ASIC2: variants seen among roughly 807,000 people sequenced by gnomAD.
The protein encoded by ASIC2 is acid-sensing ion channel 2.
ASIC2 carries 25 observed loss-of-function variants against 57.3 expected under a neutral mutation model. The observed-to-expected ratio is 0.44, with a 90% CI of 0.32 to 0.61. ASIC2 has a LOEUF of 0.61. Among genes scored for constraint, ASIC2 ranks in the 20% least tolerant of loss-of-function variants. The pLI is 0.06. For synonymous variants in ASIC2, 319 were observed against 307.5 expected (o/e 1.04, Z -0.39); for missense variants, 641 against 738.1 (o/e 0.87, Z 1.52).
intron 1 of ASIC2, among the ~76,000 whole-genome samples, chr17:33,195,477 G>A (rs1321186149): frequency 6.6e-6 from 1 of 152,196 alleles, no homozygotes; most frequent in Non-Finnish European, 1.5e-5. Context: ...TATTGTGAAT[G>A]AGGATCATGA....
intron 2 of ASIC2, among the ~76,000 whole-genome samples, chr17:33,102,130 A>G (rs1452460275): frequency 6.6e-6 from 1 of 152,170 alleles, no homozygotes; most frequent in South Asian, 2.1e-4. Flanking sequence ...TTGTCTCTGG[A>G]ATCTTATGCA....
At chr17:34,090,702 T>A (rs9897848) in intron 1 of ASIC2, among the ~76,000 whole-genome samples, 1 of 152,090 alleles carries the variant, frequency 6.6e-6, no homozygotes, top group South Asian at 2.1e-4. Flanking sequence ...CAACTTCCTA[T>A]AGACCCTCAG....
At position 33,085,316 on chromosome 17, in the gene ASIC2, A is replaced by G. The variant is rs376504391; in HGVS notation, c.987+3547T>C. On this transcript the variant is annotated intron_variant, in intron 3 of 9. Transcript: ENST00000225823. ...TGATTTTATGTATCACCAAGAAAGA[A>G]TAACAAACACTGCTTATTGTAATTT... 5.3e-4 allele frequency among the ~76,000 whole-genome samples: 81 copies of G among 152,370 alleles called. 1 individual carries two copies. In the South Asian group the frequency reaches 0.016, roughly 30 times the overall value.
chr17:33,218,702 T>C (rs1363294693), intron 1 of ASIC2, among the ~76,000 whole-genome samples: 1 of 152,180 alleles, frequency 6.6e-6, no homozygotes. Flanking sequence ...ACACAGTAGG[T>C]GTTCAGTCAA....
chr17:34,076,969 C>G (rs547021723), intron 1 of ASIC2, among the ~76,000 whole-genome samples: 8 of 152,342 alleles, frequency 5.3e-5, no homozygotes, highest in African/African-American at 1.9e-4. Context: ...AGTTCTGCAG[C>G]TGGCCATTTC....
At chr17:33,951,980 G>A (rs770213921) in intron 1 of ASIC2, among the ~76,000 whole-genome samples, 4 of 152,122 alleles carry the variant, frequency 2.6e-5, no homozygotes, top group Non-Finnish European at 4.4e-5. Context: ...GGTTACACAC[G>A]TGTGATCAAT....
chr17:34,018,806 T>C (rs1223365894), intron 1 of ASIC2, among the ~76,000 whole-genome samples: 1 of 152,204 alleles, frequency 6.6e-6, no homozygotes, highest in Non-Finnish European at 1.5e-5. Flanking sequence ...TAAAGTTACT[T>C]CACTGTAGTT....
At chr17:33,128,681 C>T (rs2092334001) in intron 1 of ASIC2, among the ~76,000 whole-genome samples, 1 of 152,208 alleles carries the variant, frequency 6.6e-6, no homozygotes, top group Non-Finnish European at 1.5e-5. Flanking sequence ...TTGGGGTACC[C>T]CTGGGGAAAG....
intron 1 of ASIC2, among the ~76,000 whole-genome samples, chr17:34,011,215 A>G (rs1597972923): frequency 1.3e-5 from 2 of 152,124 alleles, no homozygotes; most frequent in Admixed American, 1.3e-4. Context: ...ATACAGACAC[A>G]GACCCACAGA....
intron 1 of ASIC2, among the ~76,000 whole-genome samples, chr17:34,023,483 C>G (rs1344758814): frequency 6.6e-6 from 1 of 152,046 alleles, no homozygotes; most frequent in Non-Finnish European, 1.5e-5. Context: ...GAATGTGTCC[C>G]CTCCAAAATT....
At chr17:33,514,124 T>A (rs1914501337) in intron 1 of ASIC2, among the ~76,000 whole-genome samples, 1 of 152,226 alleles carries the variant, frequency 6.6e-6, no homozygotes, top group Admixed American at 6.5e-5. Flanking sequence ...GGTACACAGC[T>A]GGGAACTGGA....
At chr17:33,923,251 G>A (rs976954270) in intron 1 of ASIC2, among the ~76,000 whole-genome samples, 1 of 152,182 alleles carries the variant, frequency 6.6e-6, no homozygotes, top group Non-Finnish European at 1.5e-5. Context: ...GACCTTCAGG[G>A]CTCCTGGCAG....
chr17:33,930,901 A>G (rs540043009), intron 1 of ASIC2, among the ~76,000 whole-genome samples: 194 of 151,958 alleles, frequency 1.3e-3, no homozygotes, highest in African/African-American at 4.2e-3. Flanking sequence ...AGATTTATTT[A>G]TTTGTTTGTT....
chr17:33,603,359 A>C (rs1051175297), intron 1 of ASIC2, among the ~76,000 whole-genome samples: 3 of 152,216 alleles, frequency 2.0e-5, no homozygotes, highest in African/African-American at 7.2e-5. Context: ...ACTGCTTGGA[A>C]GGAGCATGAT....
intron 1 of ASIC2, among the ~76,000 whole-genome samples, chr17:33,725,882 G>A (rs1469057790): frequency 6.6e-6 from 1 of 152,138 alleles, no homozygotes; most frequent in Admixed American, 6.5e-5. Flanking sequence ...AGAGCCACAC[G>A]AGGGCAGCAC....
intron 1 of ASIC2, among the ~76,000 whole-genome samples, chr17:34,050,256 G>C (rs1308376474): frequency 2.0e-5 from 3 of 152,142 alleles, no homozygotes; most frequent in Non-Finnish European, 2.9e-5. Flanking sequence ...GAGATTATTT[G>C]TCACCACTTC....
chr17:34,086,527 T>C (rs1910118064), intron 1 of ASIC2, among the ~76,000 whole-genome samples: 1 of 152,028 alleles, frequency 6.6e-6, no homozygotes, highest in Non-Finnish European at 1.5e-5. Context: ...TGATTTGGGG[T>C]GGAGAGTTCT....
intron 1 of ASIC2, among the ~76,000 whole-genome samples, chr17:33,415,299 T>A (rs564750633): frequency 6.6e-6 from 1 of 152,336 alleles, no homozygotes; most frequent in East Asian, 1.9e-4. Flanking sequence ...TGTATTTTCA[T>A]GTAACCTACA....
chr17:33,539,085 G>C (rs144190332), intron 1 of ASIC2, among the ~76,000 whole-genome samples: 1 of 152,294 alleles, frequency 6.6e-6, no homozygotes, highest in Non-Finnish European at 1.5e-5. Context: ...CGTGGCCTTA[G>C]GCTAGAGTCT....
Sources: allele counts gnomAD v4.1 joint callset (sites outside exome capture counted in the v4.1 genomes callset), GRCh38; gene constraint gnomAD v4.1.1; transcripts MANE v1.5; gene names NCBI Gene and HGNC (gene_info 2026-07-23, HGNC 2026-07-21).